Variants in XPO4 observed in about 807,000 individuals in gnomAD.
XPO4 encodes exportin-4.
XPO4 carries 39 observed loss-of-function variants against 143.0 expected under a neutral mutation model. The observed-to-expected ratio is 0.27, with a 90% CI of 0.21 to 0.36. The LOEUF is 0.36. Among genes scored for constraint, XPO4 ranks in the 10% least tolerant of loss-of-function variants. The pLI is 1.00. For missense variants in XPO4, 907 were observed against 1,348.0 expected (o/e 0.67, Z 5.12); for synonymous variants, 439 against 474.0 (o/e 0.93, Z 0.96).
At chr13:20,897,671 T>A (rs981504835) in intron 1 of XPO4, among the ~76,000 whole-genome samples, 1 of 152,214 alleles carries the variant, frequency 6.6e-6, no homozygotes, top group Non-Finnish European at 1.5e-5. Context: ...TGGCCAGAAA[T>A]TGGATTCCAG....
At chr13:20,807,357 G>T in intron 13 of XPO4, 100 bp downstream of exon 13, 1 of 1,205,976 alleles carries the variant, frequency 8.3e-7, no homozygotes. Flanking sequence ...TCATGTATCA[G>T]ATTTACAACG....
At chr13:20,845,901 A>T (rs1411462565) in intron 4 of XPO4, among the ~76,000 whole-genome samples, 1 of 152,202 alleles carries the variant, frequency 6.6e-6, no homozygotes. Context: ...TTTCATTGAC[A>T]CTTAGCTTTT....
chr13:20,862,164 T>G (rs2060207223), intron 3 of XPO4, among the ~76,000 whole-genome samples: 1 of 152,162 alleles, frequency 6.6e-6, no homozygotes, highest in African/African-American at 2.4e-5. Flanking sequence ...CTCTCCCCTG[T>G]TTTAGGATAC....
Position 20,787,537 on chromosome 13 carries a change from C to T in XPO4, c.3109G>A (p.Ala1037Thr), listed in dbSNP as rs2059221740. 6.2e-7 allele frequency: 1 copy of T among 1,614,236 alleles called. No individual in the cohort carries two copies. Among genetic ancestry groups the T allele is most frequent in the Non-Finnish European group, 8.5e-7 (1 of 1,180,034 alleles). The change falls in exon 21 of 23, where the codon GCA (alanine) becomes ACA (threonine). Residue 1037 changes from alanine (A) to threonine (T), a missense_variant. By Grantham distance (58) the Ala-to-Thr change is moderately conservative. Coordinates refer to ENST00000255305, the MANE Select transcript of XPO4 (RefSeq NM_022459.5). ...EALTPLAEQC[A>T]KAQETDSPLF... Reference sequence around the variant, plus strand: ...GGTGAGTCTGTTTCTTGTGCTTTTGCACACTGTTCAGCTAACGGTGTCAAG... The same window carrying T: ...GGTGAGTCTGTTTCTTGTGCTTTTGTACACTGTTCAGCTAACGGTGTCAAG...
intron 8 of XPO4, 95 bp from the exon 9 acceptor site, chr13:20,821,973 C>A: frequency 7.2e-7 from 1 of 1,391,502 alleles, no homozygotes; most frequent in Non-Finnish European, 9.6e-7. Flanking sequence ...GTTACTGATT[C>A]ATTTTAAAAG....
At chr13:20,828,036 G>A (rs752205139) in intron 6 of XPO4, among the ~76,000 whole-genome samples, 2 of 152,240 alleles carry the variant, frequency 1.3e-5, no homozygotes, top group Admixed American at 6.5e-5. Context: ...TCAGGAGTTC[G>A]AGACCAGCCT....
rs1431785759 is a variant in XPO4 at position 20,803,424 on chromosome 13, A to T, written c.1818-2434T>A. Among the ~76,000 whole-genome samples, 10 of 152,164 alleles carry T rather than the reference A, an allele frequency of 6.6e-5. No homozygotes were observed. The highest frequency in any genetic ancestry group is 1.5e-4 in the Non-Finnish European group (10 of 68,028). The stretch of plus-strand genomic sequence containing the variant: ...AAGTGGAAGAAACATCAATGAAAGA[A>T]CCACTCAGCCTGAGTCAGGCAGGTC... On this transcript the variant is annotated intron_variant, in intron 13 of 22. Coordinates refer to ENST00000255305, the MANE Select transcript of XPO4 (RefSeq NM_022459.5). This position sits in a 1 kb window ranked among gnomAD's most constrained non-coding sequence, Gnocchi z 4.1.
At chr13:20,796,294 TAC>T in intron 17 of XPO4, 38 bp from the exon 18 acceptor site, 1 of 1,423,110 alleles carries the variant, frequency 7.0e-7, no homozygotes, top group Non-Finnish European at 9.2e-7. Context: ...TGCTACTTGG[TAC>T]ACTGACATTA....
intron 1 of XPO4, among the ~76,000 whole-genome samples, chr13:20,881,915 C>G (rs12865339): frequency 2.6e-5 from 4 of 151,796 alleles, no homozygotes; most frequent in Non-Finnish European, 5.9e-5. Flanking sequence ...TGAGACCAGT[C>G]TGGCCAACAG....
At chr13:20,831,677 A>G (rs967499561) in intron 6 of XPO4, among the ~76,000 whole-genome samples, 1 of 152,186 alleles carries the variant, frequency 6.6e-6, no homozygotes, top group Non-Finnish European at 1.5e-5. Context: ...AGAAAGCCAA[A>G]CAGAGCTGCT....
chr13:20,808,976 G>C, intron 11 of XPO4, 107 bp downstream of exon 11: 2 of 1,272,764 alleles, frequency 1.6e-6, no homozygotes, highest in South Asian at 2.9e-5. Context: ...CCAGTGTGCT[G>C]GGACACGGGG....
chr13:20,856,613 G>C (rs867784544), intron 3 of XPO4, among the ~76,000 whole-genome samples: 31 of 152,226 alleles, frequency 2.0e-4, no homozygotes, highest in African/African-American at 5.8e-4. Context: ...GCTTTCCTGG[G>C]ACAGCCTCAA....
Position 20,827,197 on chromosome 13 carries a change from TCAA to T in XPO4, c.728-21_728-19del, listed in dbSNP as rs764988911. On this transcript the variant is annotated intron_variant, in intron 6 of 22. Transcript: ENST00000255305. The stretch of plus-strand genomic sequence containing the variant: ...TCTGCCCAGTTATTTGGTGTCAAGG[TCAA>T]CAACAATAACATTCTTACTTTGTCT... The T allele has an allele frequency of 2.0e-6, 3 of 1,526,708 alleles. No individual in the cohort carries two copies. The African/African-American group carries it at 4.1e-5, about 21-fold the overall frequency. 94.6% of individuals were successfully genotyped at this position (1,526,708 alleles called of 1,614,324 possible). A position where few individuals can be genotyped will look rare whatever the true frequency, so the allele number is the denominator to read the frequency against.
At chr13:20,812,486 A>C (rs1241470117) in intron 9 of XPO4, among the ~76,000 whole-genome samples, 1 of 152,170 alleles carries the variant, frequency 6.6e-6, no homozygotes, top group African/African-American at 2.4e-5. Flanking sequence ...TTTAGAAGAA[A>C]ACACAGGAAG....
At position 20,796,961 on chromosome 13, in the gene XPO4, C is replaced by T. The variant is rs1289078493; in HGVS notation, c.2419G>A (p.Ala807Thr). ...QQEEVKQEIT[A>T]TLEALCGIAE... ...ATGCCACACAGGGCCTCTAGTGTGGCAGTGATTTCCTGCTTGACTTCCTCT... is the reference window on the plus strand; with the variant it reads ...ATGCCACACAGGGCCTCTAGTGTGGTAGTGATTTCCTGCTTGACTTCCTCT... The change falls in exon 17 of 23, where the codon GCC becomes ACC. Residue 807 changes from alanine (A) to threonine (T), a missense_variant. By Grantham distance (58) the Ala-to-Thr change is moderately conservative (BLOSUM62 0). Coordinates refer to ENST00000255305, the MANE Select transcript of XPO4 (RefSeq NM_022459.5). 1.9e-6 allele frequency: 3 copies of T among 1,613,960 alleles called. No individual in the cohort carries two copies.
chr13:20,873,024 G>A (rs1419716213), intron 1 of XPO4, among the ~76,000 whole-genome samples: 1 of 150,412 alleles, frequency 6.6e-6, no homozygotes, highest in Non-Finnish European at 1.5e-5. Flanking sequence ...ACACTTCAGA[G>A]ATGGAATCCC....
intron 1 of XPO4, among the ~76,000 whole-genome samples, chr13:20,901,363 G>C (rs1484996004): frequency 3.9e-5 from 6 of 152,196 alleles, no homozygotes; most frequent in African/African-American, 1.4e-4. Context: ...CTACAGCCGT[G>C]TTTTGGGTGG....
rs1308512844 is a variant in XPO4 at position 20,783,019 on chromosome 13, A to G, written c.*703T>C. The G allele has an allele frequency of 6.6e-6, 1 of 152,346 alleles. No homozygotes were observed. The highest frequency in any genetic ancestry group is 1.5e-5 in the Non-Finnish European group (1 of 68,060). The allele number at this position is 152,346 out of a possible 1,614,324, so 9.4% of individuals were successfully genotyped here. ...CAGAAAGCAAGAAAAGCAAGAAAGC[A>G]AGCAAGCAAGAAAGCAAGCTAAGAA... On this transcript the variant is annotated 3_prime_UTR_variant, in exon 23 of 23. Coordinates refer to ENST00000255305, the MANE Select transcript of XPO4 (RefSeq NM_022459.5).
intron 3 of XPO4, chr13:20,857,998 C>T: frequency 1.0e-6 from 1 of 984,770 alleles, no homozygotes; most frequent in Non-Finnish European, 1.2e-6. Context: ...AGTATTCTAC[C>T]TATGCAGTAT....
Sources: gnomAD v4.1 joint callset for allele counts (sites outside exome capture counted in the v4.1 genomes callset) on GRCh38, gnomAD v4.1.1 for gene constraint, Gnocchi (gnomAD v3.1) non-coding constraint, MANE v1.5 for transcripts, NCBI Gene and HGNC (gene_info 2026-07-23, HGNC 2026-07-21) for gene names.